The following FGF12 variants were observed in gnomAD, a reference collection of about 807,000 sequenced individuals.
The protein encoded by FGF12 is fibroblast growth factor 12B.
FGF12 carries 14 observed loss-of-function variants against 23.6 expected under a neutral mutation model. The ratio of observed to expected loss-of-function variants is 0.59; its 90% CI spans 0.39 to 0.93. The LOEUF (loss-of-function observed/expected upper bound fraction) is 0.93. Among genes scored for constraint, FGF12 ranks in the 40% least tolerant of loss-of-function variants. The probability of loss-of-function intolerance (pLI) is 0.00; values close to 1 mark genes in which losing one functional copy is unlikely to be tolerated. For missense variants in FGF12, 175 were observed against 217.8 expected, an observed-to-expected ratio of 0.80 and a Z score of 1.24; for synonymous variants, 62 against 77.3, an observed-to-expected ratio of 0.80 and a Z score of 1.04.
chr3:192,727,393 G>T, intron 1 of FGF12, 70 bp from the exon 2 acceptor site: 1 of 1,479,246 alleles, frequency 6.8e-7, no homozygotes, highest in Non-Finnish European at 9.0e-7. Flanking sequence ...AGCAGCAGCA[G>T]ATTGCCTCTA....
intron 4 of FGF12, among the ~76,000 whole-genome samples, chr3:192,193,064 G>C (rs1345042878): frequency 6.6e-6 from 1 of 152,164 alleles, no homozygotes; most frequent in Admixed American, 6.5e-5. Flanking sequence ...AGGTAGAACA[G>C]AAGTTGGGTA....
chr3:192,727,155 G>C, intron 2 of FGF12, 26 bp downstream of exon 2: 1 of 1,571,704 alleles, frequency 6.4e-7, no homozygotes, highest in Non-Finnish European at 8.6e-7. Flanking sequence ...GCAGCGGGAA[G>C]TCCCCCGATA....
intron 2 of FGF12, among the ~76,000 whole-genome samples, chr3:192,460,661 T>C (rs935147218): frequency 2.8e-5 from 4 of 143,070 alleles, no homozygotes; most frequent in South Asian, 2.2e-4. Flanking sequence ...TATATACATA[T>C]ACACACACAC....
At chr3:192,660,407 GT>G (rs1295632524) in intron 2 of FGF12, among the ~76,000 whole-genome samples, 1 of 150,826 alleles carries the variant, frequency 6.6e-6, no homozygotes, top group Non-Finnish European at 1.5e-5. Context: ...TATACCTCAT[GT>G]TAAATGATGA....
chr3:192,233,721 T>C (rs1403076817), intron 4 of FGF12, among the ~76,000 whole-genome samples: 4 of 152,146 alleles, frequency 2.6e-5, no homozygotes, highest in African/African-American at 7.2e-5. Context: ...GATTTTTGTA[T>C]ATGGTAGAAG....
chr3:192,299,948 T>A (rs2108658421), intron 4 of FGF12, among the ~76,000 whole-genome samples: 1 of 152,332 alleles, frequency 6.6e-6, no homozygotes, highest in East Asian at 1.9e-4. Flanking sequence ...AGTACTGAAA[T>A]TACAAAGCTG....
chr3:192,328,137 G>A (rs75810344), intron 4 of FGF12, among the ~76,000 whole-genome samples: 351 of 152,330 alleles, frequency 2.3e-3, no homozygotes, highest in Non-Finnish European at 3.8e-3. Context: ...TCACAGGTAC[G>A]TATTTATGGA....
chr3:192,581,494 A>G (rs1055988158), intron 2 of FGF12, among the ~76,000 whole-genome samples: 19 of 88,278 alleles, frequency 2.2e-4, no homozygotes, highest in East Asian at 1.8e-3. Context: ...GTGTATATAT[A>G]TATATATATA....
At chr3:192,295,451 G>C (rs1311697239) in intron 4 of FGF12, among the ~76,000 whole-genome samples, 1 of 152,080 alleles carries the variant, frequency 6.6e-6, no homozygotes, top group Admixed American at 6.6e-5. Flanking sequence ...TTCTCTCCTG[G>C]ATAACTGTTC....
chr3:192,202,766 A>G (rs1717437928), intron 4 of FGF12, among the ~76,000 whole-genome samples: 1 of 152,212 alleles, frequency 6.6e-6, no homozygotes, highest in Non-Finnish European at 1.5e-5. Flanking sequence ...TTACCACTTT[A>G]CTTGCTTAGA....
intron 2 of FGF12, among the ~76,000 whole-genome samples, chr3:192,601,721 A>G (rs1456240514): frequency 6.6e-6 from 1 of 152,140 alleles, no homozygotes; most frequent in Non-Finnish European, 1.5e-5. Context: ...CCCTGTGGAT[A>G]CCAAAATCCA....
chr3:192,209,418 C>T (rs566096810), intron 4 of FGF12, among the ~76,000 whole-genome samples: 48 of 152,272 alleles, frequency 3.2e-4, no homozygotes, highest in Non-Finnish European at 5.3e-4. Context: ...ACATTCAGAT[C>T]CCTTTTTATA....
At chr3:192,520,056 T>C (rs1341546893) in intron 2 of FGF12, among the ~76,000 whole-genome samples, 6 of 152,338 alleles carry the variant, frequency 3.9e-5, no homozygotes, top group Non-Finnish European at 8.8e-5. Context: ...TGGAGAACAA[T>C]AGCAACCAAC....
At chr3:192,388,249 G>A (rs1720137865) in intron 2 of FGF12, among the ~76,000 whole-genome samples, 1 of 152,026 alleles carries the variant, frequency 6.6e-6, no homozygotes, top group Non-Finnish European at 1.5e-5. Context: ...GGGCAACAAA[G>A]CAAGACCCTA....
At chr3:192,366,019 G>T (rs1419763439) in intron 2 of FGF12, among the ~76,000 whole-genome samples, 1 of 151,324 alleles carries the variant, frequency 6.6e-6, no homozygotes, top group African/African-American at 2.4e-5. Flanking sequence ...CAAAACTCTG[G>T]CTCGGAGAGA....
chr3:192,310,182 C>G (rs1448572303), intron 4 of FGF12, among the ~76,000 whole-genome samples: 1 of 152,130 alleles, frequency 6.6e-6, no homozygotes, highest in Admixed American at 6.6e-5. Flanking sequence ...TCACACTTCA[C>G]AAAATAGACT....
chr3:192,517,598 T>C (rs992530326), intron 2 of FGF12, among the ~76,000 whole-genome samples: 1 of 152,252 alleles, frequency 6.6e-6, no homozygotes. Context: ...TTTGTTGGTA[T>C]TGAGCTTTCA....
At chr3:192,328,171 C>T (rs529083436) in intron 4 of FGF12, among the ~76,000 whole-genome samples, 1 of 152,318 alleles carries the variant, frequency 6.6e-6, no homozygotes, top group East Asian at 1.9e-4. Flanking sequence ...TTCACTTGGA[C>T]ATTGGACACA....
At chr3:192,353,490 C>T (rs1718321029) in intron 3 of FGF12, among the ~76,000 whole-genome samples, 1 of 151,532 alleles carries the variant, frequency 6.6e-6, no homozygotes, top group African/African-American at 2.4e-5. Context: ...CTGCCTCAGC[C>T]TCCCGAGTAG....
Sources: gnomAD v4.1 joint callset for allele counts (sites outside exome capture counted in the v4.1 genomes callset) on GRCh38, gnomAD v4.1.1 for gene constraint, MANE v1.5 for transcripts, NCBI Gene and HGNC (gene_info 2026-07-23, HGNC 2026-07-21) for gene names.